Variants in CD177 observed in about 807,000 individuals in gnomAD.
CD177 encodes the protein CD177 antigen.
In CD177, 41 loss-of-function variants were observed where a neutral mutation model predicts 38.1. The ratio of observed to expected loss-of-function variants is 1.07; its 90% CI spans 0.84 to 1.39. The LOEUF (loss-of-function observed/expected upper bound fraction) is 1.39. Among genes scored for constraint, CD177 ranks in the 40% most tolerant of loss-of-function variants. The pLI, the probability that CD177 is intolerant of heterozygous loss-of-function variation, is 0.00. For missense variants in CD177, 619 were observed against 523.8 expected (o/e 1.18, Z -1.77); for synonymous variants, 236 against 216.7 (o/e 1.09, Z -0.78).
downstream of CD177, chr19:43,363,247 A>T (rs977011741): frequency 1.3e-5 from 2 of 152,242 alleles, no homozygotes; most frequent in African/African-American, 4.8e-5. Context: ...GATAATTGAC[A>T]TGAGGGCTTG....
At chr19:43,363,797 C>A (rs1970006776), downstream of CD177, among the ~76,000 whole-genome samples, 1 of 152,184 alleles carries the variant, frequency 6.6e-6, no homozygotes, top group South Asian at 2.1e-4. Flanking sequence ...AAATGAAAAT[C>A]AAAGTCCAGG....
rs1437061295 is a variant in CD177, at chr19:43,362,253, T to C, written c.1247T>C (p.Leu416Pro). The C allele has an allele frequency of 6.2e-6, 10 of 1,609,860 alleles. No homozygotes were observed. Among genetic ancestry groups the C allele is most frequent in the Non-Finnish European group, 8.5e-6 (10 of 1,176,416 alleles). The part of the protein sequence containing the change: ...EGGGAEGLES[L>P]TWGVGLALAP... ...GGTGGGGCTGAGGGCCTGGAGTCTC[T>C]CACTTGGGGGGTGGGGCTGGCACTG... is the stretch of plus-strand genomic sequence containing the variant. Residue 416 changes from leucine to proline, a missense_variant, in exon 9 of 9, where the codon CTC becomes CCC. By Grantham distance (98) the Leu-to-Pro change is moderately conservative (BLOSUM62 -3). Transcript: ENST00000618265.
rs760918291 is a variant in CD177, at chr19:43,362,175, T to A, written c.1169T>A (p.Phe390Tyr). ...AACCACACCAGACAAATCGGGATCTTCTCTGCGCGTGAGAAGCGTGATGTG... is the reference window on the plus strand; with the variant it reads ...AACCACACCAGACAAATCGGGATCTACTCTGCGCGTGAGAAGCGTGATGTG... ...LLNHTRQIGIFSAREKRDVQP... is the reference protein window; with the variant it reads ...LLNHTRQIGIYSAREKRDVQP... Residue 390 changes from phenylalanine (F) to tyrosine (Y), a missense_variant, in exon 9 of 9, where the codon TTC becomes TAC. Phe to Tyr is a conservative substitution (Grantham distance 22). Transcript: ENST00000618265. 1 of 1,613,486 alleles carries A rather than the reference T, an allele frequency of 6.2e-7. No homozygotes were observed. Among genetic ancestry groups the A allele is most frequent in the Admixed American group, 1.7e-5 (1 of 59,968 alleles).
chr19:43,363,642 C>T (rs1970004692), downstream of CD177, among the ~76,000 whole-genome samples: 1 of 152,140 alleles, frequency 6.6e-6, no homozygotes, highest in Admixed American at 6.5e-5. Flanking sequence ...TCCACTGGTC[C>T]AGCCCCCATA....
Position 43,354,257 on chromosome 19 carries a change from C to T in CD177, c.244C>T (p.Gln82Ter), listed in dbSNP as rs746730593. 6.2e-7 allele frequency: 1 copy of T among 1,613,826 alleles called. No homozygotes were observed. Among genetic ancestry groups the T allele is most frequent in the Non-Finnish European group, 8.5e-7 (1 of 1,179,836 alleles). Reference sequence around the variant, plus strand: ...CAAGGGCTGCACGGAGGCCAAGGACCAGGAGCCCCGCGTCACTGAGCACCG... The same window carrying T: ...CAAGGGCTGCACGGAGGCCAAGGACTAGGAGCCCCGCGTCACTGAGCACCG... Reference protein sequence around the residue: ...LSKGCTEAKDQEPRVTEHRMG... With the variant: ...LSKGCTEAKD Residue 82 changes from glutamine to a stop codon, truncating the protein, a stop_gained, in exon 3 of 9, where the codon CAG becomes TAG. Transcript: ENST00000618265. LOFTEE classifies it high-confidence loss of function.
chr19:43,362,246 G>C lies in CD177; in HGVS notation c.1240G>C (p.Glu414Gln). 6.2e-7 allele frequency: 1 copy of C among 1,611,046 alleles called. No individual in the cohort carries two copies. Among genetic ancestry groups the C allele is most frequent in the Non-Finnish European group, 8.5e-7 (1 of 1,177,306 alleles). ...QHEGGGAEGL[E>Q]SLTWGVGLAL... ...TGAGGGAGGTGGGGCTGAGGGCCTG[G>C]AGTCTCTCACTTGGGGGGTGGGGCT... The change falls in exon 9 of 9, where the codon GAG (glutamate) becomes CAG (glutamine). Residue 414 changes from glutamate to glutamine, a missense_variant. Glu to Gln is a conservative substitution (Grantham distance 29). Coordinates refer to ENST00000618265, the MANE Select transcript of CD177 (RefSeq NM_020406.4).
intron 3 of CD177, chr19:43,354,595 C>T: frequency 1.6e-6 from 1 of 609,826 alleles, no homozygotes; most frequent in Non-Finnish European, 2.9e-6. Flanking sequence ...TCCCTCCCAC[C>T]GACCTGCCAC....
At chr19:43,355,159 G>A (rs1969908251) in intron 3 of CD177, among the ~76,000 whole-genome samples, 1 of 140,668 alleles carries the variant, frequency 7.1e-6, no homozygotes, top group South Asian at 2.3e-4. Flanking sequence ...TGTCGACCAG[G>A]CTGGAGTGCA....
rs763930486 is a variant in CD177 at position 43,354,409 on chromosome 19, C to T, written c.379+17C>T. 14 of 1,613,054 alleles carry T rather than the reference C, an allele frequency of 8.7e-6. No homozygotes were observed. The highest frequency in any genetic ancestry group is 3.3e-4 in the Middle Eastern group (2 of 6,066). ...CCCCAGCAGGTGCCTGCGGGAGGGT[C>T]GGGAGGAGAGGGAGGGGCTGCTAGA... On this transcript the variant is annotated intron_variant, in intron 3 of 8. Coordinates refer to ENST00000618265, the MANE Select transcript of CD177 (RefSeq NM_020406.4).
rs769213233 is a variant in CD177, at chr19:43,354,183, G to T, written c.194-24G>T. 4 of 1,603,240 alleles carry T rather than the reference G, an allele frequency of 2.5e-6. No individual in the cohort carries two copies. In the South Asian group the frequency reaches 3.3e-5, roughly 13 times the overall value. On this transcript the variant is annotated intron_variant, in intron 2 of 8. Coordinates refer to ENST00000618265, the MANE Select transcript of CD177 (RefSeq NM_020406.4). ...CCCTGGAGGCCTGACCTCCATCCTC[G>T]CTTGCCTCCCTCTTTCGGTCCAGGA...
chr19:43,362,880 A>G lies in CD177; in HGVS notation c.*560A>G, dbSNP rs967427162. The G allele has an allele frequency of 6.6e-6, 1 of 152,570 alleles. No individual in the cohort carries two copies. The highest frequency in any genetic ancestry group is 2.4e-5 in the African/African-American group (1 of 41,464). The allele number at this position is 152,570 out of a possible 1,614,324, so 9.5% of individuals were successfully genotyped here. ...CATCTGAGCAACTGCAGGAGAGGTT[A>G]GTACAGTCATGCATTGCTTAACGAC... On this transcript the variant is annotated 3_prime_UTR_variant, in exon 9 of 9. Transcript: ENST00000618265.
intron 3 of CD177, 31 bp from the exon 4 acceptor site, chr19:43,355,630 T>G: frequency 2.5e-6 from 4 of 1,611,854 alleles, no homozygotes; most frequent in Non-Finnish European, 3.4e-6. Context: ...GCCCTCTCAG[T>G]GCCCCCTCAC....
rs1969976362 is a variant in CD177, at chr19:43,362,012, G to A, written c.1082-76G>A. On this transcript the variant is annotated intron_variant, in intron 8 of 8. Coordinates refer to ENST00000618265, the MANE Select transcript of CD177 (RefSeq NM_020406.4). ...TCCTCGGTCTGAGGGAGGAGGGTCTGGGGCCTGGACTCCTGGGTTTACAAC... is the reference window on the plus strand; with the variant it reads ...TCCTCGGTCTGAGGGAGGAGGGTCTAGGGCCTGGACTCCTGGGTTTACAAC... 4.7e-6 allele frequency: 6 copies of A among 1,279,206 alleles called. No homozygotes were observed. In the Admixed American group the frequency reaches 9.0e-5, roughly 19 times the overall value. 79.2% of individuals were successfully genotyped at this position (1,279,206 alleles called of 1,614,324 possible).
intron 3 of CD177, among the ~76,000 whole-genome samples, chr19:43,355,248 G>A (rs915519910): frequency 1.3e-5 from 2 of 150,716 alleles, no homozygotes; most frequent in African/African-American, 4.9e-5. Flanking sequence ...CACGTAGCAG[G>A]GACTAGAGGA....
intron 4 of CD177, 68 bp downstream of exon 4, chr19:43,355,851 T>C: frequency 6.2e-7 from 1 of 1,605,172 alleles, no homozygotes; most frequent in Non-Finnish European, 8.5e-7. Context: ...GATCTTAGGC[T>C]TTGGGGAGTG....
downstream of CD177, among the ~76,000 whole-genome samples, chr19:43,365,331 G>A (rs1970018613): frequency 8.0e-6 from 1 of 124,328 alleles, no homozygotes; most frequent in Non-Finnish European, 1.7e-5. Flanking sequence ...GTATGTCGCC[G>A]TCCTCCCTAT....
At position 43,362,182 on chromosome 19, in the gene CD177, G is replaced by A. The variant is rs199770370; in HGVS notation, c.1176G>A (p.Ala392=). 1.9e-4 allele frequency: 303 copies of A among 1,613,544 alleles called. 1 individual carries two copies. In the African/African-American group the frequency reaches 2.3e-3, roughly 12 times the overall value. ...NHTRQIGIFS[A]REKRDVQPPA... ...CCAGACAAATCGGGATCTTCTCTGC[G>A]CGTGAGAAGCGTGATGTGCAGCCTC... Residue 392 remains alanine, a synonymous_variant, in exon 9 of 9, where the codon GCG becomes GCA. Coordinates refer to ENST00000618265, the MANE Select transcript of CD177 (RefSeq NM_020406.4).
rs764719692 is a variant in CD177 at position 43,354,278 on chromosome 19, C to G, written c.265C>G (p.His89Asp). The change falls in exon 3 of 9, where the codon CAC (histidine) becomes GAC (aspartate). Residue 89 changes from histidine (H) to aspartate (D), a missense_variant. Physicochemically the swap from His to Asp is moderately conservative, Grantham distance 81 (BLOSUM62 -1). Transcript: ENST00000618265. ...GGACCAGGAGCCCCGCGTCACTGAG[C>G]ACCGGATGGGCCCCGGCCTCTCCCT... ...AKDQEPRVTEHRMGPGLSLIS... is the reference protein window; with the variant it reads ...AKDQEPRVTEDRMGPGLSLIS... 1.2e-6 allele frequency: 2 copies of G among 1,613,960 alleles called. No individual in the cohort carries two copies. Among genetic ancestry groups the G allele is most frequent in the Admixed American group, 3.3e-5 (2 of 60,026 alleles).
chr19:43,354,382 G>A lies in CD177; in HGVS notation c.369G>A (p.Gln123=). ...LVNSLPLWAP[Q]PPADPGSLRC... is the part of the protein sequence containing the mutation. The stretch of plus-strand genomic sequence containing the variant: ...ACTCCCTCCCGCTTTGGGCCCCACA[G>A]CCCCCAGCAGGTGCCTGCGGGAGGG... Residue 123 remains glutamine (Q), a synonymous_variant, in exon 3 of 9, where the codon CAG becomes CAA. Transcript: ENST00000618265. 6.2e-7 allele frequency: 1 copy of A among 1,613,800 alleles called. No individual in the cohort carries two copies. Among genetic ancestry groups the A allele is most frequent in the Non-Finnish European group, 8.5e-7 (1 of 1,179,866 alleles).
Sources: gnomAD v4.1 joint callset for allele counts (sites outside exome capture counted in the v4.1 genomes callset) on GRCh38, gnomAD v4.1.1 for gene constraint, MANE v1.5 for transcripts, NCBI Gene and HGNC (gene_info 2026-07-23, HGNC 2026-07-21) for gene names.